HIVEP1: variants seen among roughly 807,000 people sequenced by gnomAD.
HIVEP1 encodes the protein HIVEP zinc finger 1.
In HIVEP1, 36 loss-of-function variants were observed where a neutral mutation model predicts 180.0. The ratio of observed to expected loss-of-function variants is 0.20; its 90% CI spans 0.15 to 0.26. The LOEUF (loss-of-function observed/expected upper bound fraction) is 0.26. Among genes scored for constraint, HIVEP1 ranks in the 10% least tolerant of loss-of-function variants. The pLI is 1.00. For missense variants in HIVEP1, 3,143 were observed against 3,268.7 expected (o/e 0.96, Z 0.94); for synonymous variants, 1,239 against 1,239.0 (o/e 1.00, Z 0.00).
At chr6:12,009,445 G>C (rs1167270706), upstream of HIVEP1, among the ~76,000 whole-genome samples, 1 of 152,222 alleles carries the variant, frequency 6.6e-6, no homozygotes, top group Non-Finnish European at 1.5e-5. Context: ...TGGAACCATA[G>C]AGAAATGGAC....
the HIVEP1 span, among the ~76,000 whole-genome samples, chr6:12,174,034 T>C: frequency 6.6e-6 from 1 of 152,210 alleles, no homozygotes; most frequent in African/African-American, 2.4e-5. Context: ...AACATCTCTA[T>C]ACTTTCATTA....
chr6:12,113,411 C>A (rs1202567761), intron 3 of HIVEP1, among the ~76,000 whole-genome samples: 3 of 151,736 alleles, frequency 2.0e-5, no homozygotes, highest in African/African-American at 7.3e-5. Flanking sequence ...CGAGATGGGG[C>A]AGTTCGAGGA....
In HIVEP1 at chr6:12,125,274, G is replaced by A. The variant is rs148790978; in HGVS notation, c.5479G>A (p.Ala1827Thr). The change falls in exon 4 of 9, where the codon GCT becomes ACT. Residue 1827 changes from alanine to threonine, a missense_variant. Physicochemically the swap from Ala to Thr is moderately conservative, Grantham distance 58. This residue lies in a region of HIVEP1 where 1,357 missense variants were observed against 1,260.5 expected (regional missense o/e 1.08). Coordinates refer to ENST00000379388, the MANE Select transcript of HIVEP1 (RefSeq NM_002114.4). ...TTCTCAACCTGAAATTAGTAATGAGGCTGTTAATTTGACAAATGTTTTACC... is the reference window on the plus strand; with the variant it reads ...TTCTCAACCTGAAATTAGTAATGAGACTGTTAATTTGACAAATGTTTTACC... ...VFSQPEISNE[A>T]VNLTNVLPAD... 124 of 1,614,034 alleles carry A rather than the reference G, an allele frequency of 7.7e-5. No homozygotes were observed. The African/African-American group carries it at 1.2e-3, about 15-fold the overall frequency.
At chr6:12,162,263 G>T (rs959851798) in intron 8 of HIVEP1, among the ~76,000 whole-genome samples, 2 of 148,660 alleles carry the variant, frequency 1.3e-5, no homozygotes, top group African/African-American at 5.0e-5. Flanking sequence ...CACAAGTCCC[G>T]CAACTGATTT....
At position 12,119,902 on chromosome 6, in the gene HIVEP1, C is replaced by G; in HGVS notation, c.107C>G (p.Ala36Gly). 6.4e-7 allele frequency: 1 copy of G among 1,556,620 alleles called. No individual in the cohort carries two copies. Among genetic ancestry groups the G allele is most frequent in the Non-Finnish European group, 8.6e-7 (1 of 1,157,282 alleles). ...AEVSKKEILQAGVKGTSESLK... is the reference protein window; with the variant it reads ...AEVSKKEILQGGVKGTSESLK... ...TTGTTTTTTCCAGAAATCTTACAGG[C>G]TGGTGTTAAAGGAACTTCGGAATCC... The change falls in exon 4 of 9, where the codon GCT (alanine) becomes GGT (glycine). Residue 36 changes from alanine to glycine, a missense_variant. Physicochemically the swap from Ala to Gly is moderately conservative, Grantham distance 60. This residue lies in a region of HIVEP1 where 114 missense variants were observed against 134.5 expected (regional missense o/e 0.85). Transcript: ENST00000379388.
intron 2 of HIVEP1, among the ~76,000 whole-genome samples, chr6:12,082,304 T>C (rs1405938474): frequency 2.0e-5 from 3 of 152,106 alleles, no homozygotes; most frequent in Non-Finnish European, 4.4e-5. Context: ...CATAAATTAT[T>C]TAACCATTTC....
chr6:12,145,361 C>T (rs1017650158), intron 7 of HIVEP1, among the ~76,000 whole-genome samples: 1 of 152,032 alleles, frequency 6.6e-6, no homozygotes, highest in Non-Finnish European at 1.5e-5. Flanking sequence ...CACCCTGGGG[C>T]CTGTCATGGG....
chr6:12,142,800 C>A (rs1478290798), intron 7 of HIVEP1, among the ~76,000 whole-genome samples: 1 of 152,144 alleles, frequency 6.6e-6, no homozygotes, highest in East Asian at 1.9e-4. Flanking sequence ...TGGATAAATT[C>A]CTGGACACAT....
At chr6:12,167,018 CTT>C (rs769874545), downstream of HIVEP1, among the ~76,000 whole-genome samples, 2 of 151,962 alleles carry the variant, frequency 1.3e-5, no homozygotes, top group Non-Finnish European at 2.9e-5. Flanking sequence ...GTTCCAATAA[CTT>C]ATTTTCATTC....
chr6:12,102,518 G>A (rs1219294035), intron 3 of HIVEP1, among the ~76,000 whole-genome samples: 2 of 152,044 alleles, frequency 1.3e-5, no homozygotes, highest in African/African-American at 4.8e-5. Context: ...AACTTCTGTT[G>A]TACAAATGAC....
rs1757892060 is a variant in HIVEP1 at position 12,124,065 on chromosome 6, A to G, written c.4270A>G (p.Arg1424Gly). The G allele has an allele frequency of 6.2e-7, 1 of 1,613,944 alleles. No individual in the cohort carries two copies. Among genetic ancestry groups the G allele is most frequent in the Non-Finnish European group, 8.5e-7 (1 of 1,179,814 alleles). ...GVTGHVPLLE[R>G]RRGPLVRQIS... is the part of the protein sequence containing the mutation. Reference sequence around the variant, plus strand: ...GACTGGGCATGTGCCTCTCTTAGAAAGAAGGAGAGGCCCACTGGTACGGCA... The same window carrying G: ...GACTGGGCATGTGCCTCTCTTAGAAGGAAGGAGAGGCCCACTGGTACGGCA... Residue 1424 changes from arginine (R) to glycine (G), a missense_variant, in exon 4 of 9, where the codon AGA becomes GGA. Arg to Gly is a moderately radical substitution (Grantham distance 125, BLOSUM62 -2). Transcript: ENST00000379388.
chr6:12,085,543 G>A (rs1773063629), intron 2 of HIVEP1, among the ~76,000 whole-genome samples: 1 of 152,056 alleles, frequency 6.6e-6, no homozygotes, highest in Non-Finnish European at 1.5e-5. Context: ...CCTCTGGGAG[G>A]GCCTAATACC....
In HIVEP1 at chr6:12,130,928, C is replaced by G; in HGVS notation, c.6371C>G (p.Ser2124Cys). Residue 2124 changes from serine (S) to cysteine (C), a missense_variant, in exon 6 of 9, where the codon TCC becomes TGC. Coordinates refer to ENST00000379388, the MANE Select transcript of HIVEP1 (RefSeq NM_002114.4). ...RPYHCTYCNF[S>C]FKTKGNLTKH... ...TACCACTGCACTTACTGTAACTTCTCCTTTAAGACTAAAGGTATGAGATGC... is the reference window on the plus strand; with the variant it reads ...TACCACTGCACTTACTGTAACTTCTGCTTTAAGACTAAAGGTATGAGATGC... 1 of 1,607,276 alleles carries G rather than the reference C, an allele frequency of 6.2e-7. No homozygotes were observed.
At chr6:12,167,686 A>G (rs1475003821), downstream of HIVEP1, among the ~76,000 whole-genome samples, 1 of 78,070 alleles carries the variant, frequency 1.3e-5, no homozygotes, top group Non-Finnish European at 2.4e-5. Flanking sequence ...ATATGTGTAT[A>G]ATATATATAC....
At chr6:12,182,640 T>G in the HIVEP1 span, among the ~76,000 whole-genome samples, 1 of 152,204 alleles carries the variant, frequency 6.6e-6, no homozygotes, top group Non-Finnish European at 1.5e-5. Flanking sequence ...CCAGAGTACG[T>G]GGGTTCTTCC....
chr6:12,015,458 G>T lies in HIVEP1; in HGVS notation c.-103-68G>T, dbSNP rs1581490004. ...GTTTAGGTTAGTGCTCTGCTAGGCA[G>T]TAACTTTTAAAGTATCTTTCTCCTC... On this transcript the variant is annotated intron_variant, in intron 1 of 8. Transcript: ENST00000379388. 10 of 589,358 alleles carry T rather than the reference G, an allele frequency of 1.7e-5. No homozygotes were observed. In the East Asian group the frequency reaches 2.9e-4, roughly 17 times the overall value. 36.5% of individuals were successfully genotyped at this position (589,358 alleles called of 1,614,324 possible).
At chr6:12,074,653 T>C (rs71551289) in intron 2 of HIVEP1, among the ~76,000 whole-genome samples, 23,131 of 143,454 alleles carry the variant, frequency 0.16, 2,369 homozygotes, top group Non-Finnish European at 0.24. Flanking sequence ...TGCGCGCGCG[T>C]GCATGTCCTT....
chr6:12,029,240 T>C (rs564436352), intron 2 of HIVEP1, among the ~76,000 whole-genome samples: 2 of 152,350 alleles, frequency 1.3e-5, no homozygotes, highest in African/African-American at 4.8e-5. Flanking sequence ...TTACTTGATA[T>C]TACTATAGAG....
At chr6:12,141,182 C>T (rs1320666407) in intron 7 of HIVEP1, among the ~76,000 whole-genome samples, 9 of 152,182 alleles carry the variant, frequency 5.9e-5, no homozygotes, top group Admixed American at 5.9e-4. Flanking sequence ...TCGGCAGAAA[C>T]TCTACAAGCC....
Sources: gnomAD v4.1 joint callset for allele counts (sites outside exome capture counted in the v4.1 genomes callset) on GRCh38, gnomAD v4.1.1 for gene constraint, gnomAD v4.1.1 regional missense constraint, MANE v1.5 for transcripts, NCBI Gene and HGNC (gene_info 2026-07-23, HGNC 2026-07-21) for gene names.